IL1RL1: variants seen among roughly 807,000 people sequenced by gnomAD.
IL1RL1 encodes interleukin 1 receptor like 1, also known as interleukin-1 receptor-like 1.
IL1RL1 carries 32 observed loss-of-function variants against 50.9 expected under a neutral mutation model. The ratio of observed to expected loss-of-function variants is 0.63; its 90% CI spans 0.47 to 0.84. The LOEUF (loss-of-function observed/expected upper bound fraction) is 0.84, where lower values mean the gene tolerates loss of function less well. Among genes scored for constraint, IL1RL1 ranks in the 40% least tolerant of loss-of-function variants. IL1RL1 has a pLI of 0.00. For missense variants in IL1RL1, 773 were observed against 662.9 expected (o/e 1.17, Z -1.82); for synonymous variants, 275 against 236.0 (o/e 1.17, Z -1.51).
chr2:102,315,548 C>A (rs573232749), intron 1 of IL1RL1, among the ~76,000 whole-genome samples: 24 of 152,302 alleles, frequency 1.6e-4, no homozygotes, highest in African/African-American at 5.8e-4. Flanking sequence ...AAGACCGAGA[C>A]TTTAGTGAGG....
At chr2:102,327,632 A>T (rs1227873129) in intron 1 of IL1RL1, among the ~76,000 whole-genome samples, 2 of 152,234 alleles carry the variant, frequency 1.3e-5, no homozygotes, top group African/African-American at 2.4e-5. Context: ...AAGAAAAGGG[A>T]GAAGAATCAA....
At chr2:102,334,433 TG>T (rs1677254514) in intron 1 of IL1RL1, among the ~76,000 whole-genome samples, 1 of 152,028 alleles carries the variant, frequency 6.6e-6, no homozygotes, top group African/African-American at 2.4e-5. Flanking sequence ...CTAATGGAGC[TG>T]GGGGGCCCAG....
chr2:102,347,246 A>T (rs973288889), intron 8 of IL1RL1, among the ~76,000 whole-genome samples: 3 of 152,166 alleles, frequency 2.0e-5, no homozygotes, highest in African/African-American at 7.2e-5. Flanking sequence ...AACCCTCTGC[A>T]TCTTGCAACC....
intron 1 of IL1RL1, among the ~76,000 whole-genome samples, chr2:102,318,345 C>T (rs1559594472): frequency 6.6e-6 from 1 of 151,852 alleles, no homozygotes; most frequent in African/African-American, 2.4e-5. Context: ...GATTGATGTG[C>T]TGGAGAAAGA....
rs1372340802 is a variant in IL1RL1 at position 102,340,787 on chromosome 2, C to T, written c.569C>T (p.Ala190Val). The T allele has an allele frequency of 1.9e-6, 3 of 1,585,888 alleles. No individual in the cohort carries two copies. Among genetic ancestry groups the T allele is most frequent in the Non-Finnish European group, 2.6e-6 (3 of 1,171,428 alleles). The change falls in exon 5 of 11, where the codon GCC becomes GTC. Residue 190 changes from alanine to valine, a missense_variant. Transcript: ENST00000233954. ...AAATTTATACACAATGAAAATGGAG[C>T]CAATTATAGTGTGACGGCGACCAGG... Reference protein sequence around the residue: ...TCKFIHNENGANYSVTATRSF... With the variant: ...TCKFIHNENGVNYSVTATRSF...
In IL1RL1 at chr2:102,348,245, T is replaced by C. The variant is rs115331267; in HGVS notation, c.1117+154T>C. On this transcript the variant is annotated intron_variant, in intron 9 of 10. Transcript: ENST00000233954. ...CAGTGAGTTGTGTTTTTGGATTTTC[T>C]TAAAGGCCATTTTCCATCCTGCTAT... Among the ~76,000 whole-genome samples, 213 of 152,318 alleles carry C rather than the reference T, an allele frequency of 1.4e-3. 1 individual carries two copies. The highest frequency in any genetic ancestry group is 5.0e-3 in the African/African-American group (209 of 41,558).
chr2:102,321,021 G>A (rs1463113883), intron 1 of IL1RL1, among the ~76,000 whole-genome samples: 5 of 152,200 alleles, frequency 3.3e-5, no homozygotes, highest in Non-Finnish European at 7.3e-5. Context: ...TCACTGCTCT[G>A]GAGTTCCTCA....
At chr2:102,340,906 G>A in intron 5 of IL1RL1, 78 bp downstream of exon 5, 1 of 1,174,630 alleles carries the variant, frequency 8.5e-7, no homozygotes, top group Non-Finnish European at 1.2e-6. Flanking sequence ...TTCTGGTTGG[G>A]TTTCTTGCAC....
chr2:102,343,235 A>G lies in IL1RL1; in HGVS notation c.825-35A>G, dbSNP rs1454555875. 1.9e-6 allele frequency: 3 copies of G among 1,614,018 alleles called. No individual in the cohort carries two copies. In the African/African-American group the frequency reaches 4.0e-5, roughly 22 times the overall value. ...CCCTTGCACATGGTTTGCACCTGCA[A>G]AGTAGGCATTAAAAGTAACAGGTTG... On this transcript the variant is annotated intron_variant, in intron 7 of 10. Transcript: ENST00000233954.
chr2:102,342,998 A>G lies in IL1RL1; in HGVS notation c.683-38A>G, dbSNP rs73004217. On this transcript the variant is annotated intron_variant, in intron 6 of 10. Coordinates refer to ENST00000233954, the MANE Select transcript of IL1RL1 (RefSeq NM_016232.5). ...AATGGGATAAAATGCCAGTCGCAGA[A>G]GTTAATTTTATTGGTGAATGTCCTT... The G allele has an allele frequency of 5.4e-3, 8,583 of 1,595,008 alleles. 336 individuals carry two copies. The African/African-American group carries it at 0.095, about 18-fold the overall frequency.
intron 1 of IL1RL1, among the ~76,000 whole-genome samples, chr2:102,322,942 G>A (rs996101187): frequency 6.6e-6 from 1 of 152,044 alleles, no homozygotes; most frequent in Non-Finnish European, 1.5e-5. Context: ...AATTTTTCAG[G>A]AGCAAGGCTT....
intron 1 of IL1RL1, among the ~76,000 whole-genome samples, chr2:102,315,510 C>T (rs1023371904): frequency 6.6e-6 from 1 of 152,162 alleles, no homozygotes; most frequent in South Asian, 2.1e-4. Flanking sequence ...GATTTCATGA[C>T]TCTTTAGGAA....
At chr2:102,331,598 C>A (rs1356082101) in intron 1 of IL1RL1, among the ~76,000 whole-genome samples, 1 of 152,146 alleles carries the variant, frequency 6.6e-6, no homozygotes, top group African/African-American at 2.4e-5. Context: ...TGGGACCTCC[C>A]AAGGGTGACT....
intron 1 of IL1RL1, among the ~76,000 whole-genome samples, chr2:102,320,877 T>C (rs1321296141): frequency 2.0e-5 from 3 of 152,216 alleles, no homozygotes; most frequent in Non-Finnish European, 4.4e-5. Context: ...GAGTGTTTAA[T>C]ACCTACGTCA....
At chr2:102,318,129 G>A (rs1358023664) in intron 1 of IL1RL1, among the ~76,000 whole-genome samples, 2 of 152,112 alleles carry the variant, frequency 1.3e-5, no homozygotes, top group African/African-American at 4.8e-5. Flanking sequence ...TTGAAGAGAG[G>A]AGTAATTTGA....
intron 3 of IL1RL1, among the ~76,000 whole-genome samples, chr2:102,339,648 T>C (rs950617512): frequency 5.3e-5 from 8 of 152,232 alleles, no homozygotes; most frequent in Admixed American, 3.9e-4. Context: ...AACTGTGCGA[T>C]GCCAGCAAGT....
intron 10 of IL1RL1, among the ~76,000 whole-genome samples, chr2:102,349,458 G>A (rs1677873858): frequency 6.6e-6 from 1 of 152,110 alleles, no homozygotes. Context: ...CAGTAATGTT[G>A]GTGGTGTGAA....
intron 1 of IL1RL1, among the ~76,000 whole-genome samples, chr2:102,311,989 T>TATTATA (rs1676515411): frequency 3.2e-5 from 1 of 31,532 alleles, no homozygotes; most frequent in African/African-American, 2.1e-4. Context: ...TAATATATAT[T>TATTATA]ATATATAATA....
intron 8 of IL1RL1, 148 bp from the exon 9 acceptor site, chr2:102,347,797 G>T: frequency 1.7e-6 from 1 of 584,084 alleles, no homozygotes; most frequent in Non-Finnish European, 3.1e-6. Context: ...AAATGTGACT[G>T]TCCTGGTACT....
Sources: allele counts gnomAD v4.1 joint callset (sites outside exome capture counted in the v4.1 genomes callset), GRCh38; gene constraint gnomAD v4.1.1; transcripts MANE v1.5; gene names NCBI Gene and HGNC (gene_info 2026-07-23, HGNC 2026-07-21).